CNTN6: variants seen among roughly 807,000 people sequenced by gnomAD.
CNTN6 encodes contactin 6.
CNTN6 carries 137 observed loss-of-function variants against 122.8 expected under a neutral mutation model. The observed-to-expected ratio is 1.12, with a 90% CI of 0.97 to 1.29. CNTN6 has a LOEUF of 1.29. CNTN6 is among the 50% of genes most tolerant of loss of function. CNTN6 has a pLI of 0.00. For synonymous variants in CNTN6, 570 were observed against 426.0 expected (o/e 1.34, Z -4.16); for missense variants, 1,634 against 1,223.4 (o/e 1.34, Z -5.01).
At chr3:1,188,546 C>G (rs1415418612) in intron 2 of CNTN6, among the ~76,000 whole-genome samples, 1 of 152,054 alleles carries the variant, frequency 6.6e-6, no homozygotes, top group Non-Finnish European at 1.5e-5. Context: ...TCTGTGGTCT[C>G]CATGGACTGG....
intron 1 of CNTN6, among the ~76,000 whole-genome samples, chr3:1,100,079 T>A (rs186185209): frequency 2.8e-4 from 42 of 152,250 alleles, no homozygotes; most frequent in Middle Eastern, 3.4e-3. Context: ...TTTGTCAAGG[T>A]TTTTTTAGAC....
intron 1 of CNTN6, among the ~76,000 whole-genome samples, chr3:1,099,961 G>C (rs1490401973): frequency 1.3e-5 from 2 of 152,122 alleles, no homozygotes; most frequent in African/African-American, 4.8e-5. Flanking sequence ...TAAAGATAGT[G>C]TATATATCTT....
At chr3:1,136,829 TATC>T (rs2092487034) in intron 1 of CNTN6, among the ~76,000 whole-genome samples, 1 of 152,138 alleles carries the variant, frequency 6.6e-6, no homozygotes, top group Non-Finnish European at 1.5e-5. Flanking sequence ...TTCTGCCACT[TATC>T]ATCTGTGTGC....
chr3:1,119,035 C>G (rs559414166), intron 1 of CNTN6, among the ~76,000 whole-genome samples: 38 of 152,206 alleles, frequency 2.5e-4, no homozygotes, highest in African/African-American at 8.9e-4. Flanking sequence ...TCCCATCTTT[C>G]TAACTACTTA....
chr3:1,268,168 G>A (rs1487498341), intron 4 of CNTN6, among the ~76,000 whole-genome samples: 1 of 152,190 alleles, frequency 6.6e-6, no homozygotes, highest in Non-Finnish European at 1.5e-5. Flanking sequence ...GAGAAGCAGG[G>A]CAGCCTAGGA....
intron 2 of CNTN6, among the ~76,000 whole-genome samples, chr3:1,202,446 G>A (rs371898423): frequency 1.4e-3 from 205 of 150,466 alleles, no homozygotes; most frequent in East Asian, 2.1e-3. Context: ...AGGCTGAGGC[G>A]GGAGAATGGC....
intron 10 of CNTN6, among the ~76,000 whole-genome samples, chr3:1,329,091 ATGTGTATATACGTATATATGTATATG>A (rs1183586082): frequency 6.6e-6 from 1 of 151,380 alleles, no homozygotes; most frequent in African/African-American, 2.4e-5. Context: ...ATATGTATAT[ATGTGTATATACGTATATATGTATATG>A]TGTGTGTGTT....
At chr3:1,380,899 C>A (rs891170110) in intron 17 of CNTN6, among the ~76,000 whole-genome samples, 3 of 152,160 alleles carry the variant, frequency 2.0e-5, no homozygotes, top group Admixed American at 2.0e-4. Flanking sequence ...AGGAGAATTT[C>A]ACAATTTCTT....
intron 1 of CNTN6, among the ~76,000 whole-genome samples, chr3:1,115,491 T>G (rs1351082568): frequency 2.0e-5 from 3 of 152,190 alleles, no homozygotes; most frequent in East Asian, 3.9e-4. Context: ...GGCTCATGCC[T>G]GTAATCCCAG....
intron 4 of CNTN6, among the ~76,000 whole-genome samples, chr3:1,261,083 G>T (rs1203257010): frequency 6.6e-6 from 1 of 152,136 alleles, no homozygotes; most frequent in Non-Finnish European, 1.5e-5. Flanking sequence ...GCCACCAGTG[G>T]AAACTAACCA....
intron 14 of CNTN6, among the ~76,000 whole-genome samples, chr3:1,373,303 C>T (rs1485479106): frequency 1.3e-5 from 2 of 152,150 alleles, no homozygotes; most frequent in East Asian, 3.9e-4. Context: ...ATATTAGCTG[C>T]AATTACTTGA....
chr3:1,301,159 C>T (rs911419525), intron 7 of CNTN6, among the ~76,000 whole-genome samples: 3 of 151,218 alleles, frequency 2.0e-5, no homozygotes, highest in Admixed American at 6.6e-5. Context: ...GCCTCAGCCT[C>T]CAGAGTAGCT....
In CNTN6 at chr3:1,176,795, G is replaced by A. The variant is rs767398202; in HGVS notation, c.55+28732G>A. On this transcript the variant is annotated intron_variant, in intron 2 of 22. Coordinates refer to ENST00000446702, the MANE Select transcript of CNTN6 (RefSeq NM_001289080.2). ...AATTCATAGATAGATGTTTAGCTGT[G>A]AAGGGTTTTAAAATGTTTATGCTAA... is the stretch of plus-strand genomic sequence containing the variant. Among the ~76,000 whole-genome samples, 32 of 152,126 alleles carry A rather than the reference G, an allele frequency of 2.1e-4. 1 individual carries two copies. The highest frequency in any genetic ancestry group is 3.2e-4 in the Non-Finnish European group (22 of 68,018).
At position 1,148,596 on chromosome 3, in the gene CNTN6, A is replaced by G. The variant is rs140335657; in HGVS notation, c.55+533A>G. Among the ~76,000 whole-genome samples, 3 of 152,322 alleles carry G rather than the reference A, an allele frequency of 2.0e-5. No individual in the cohort carries two copies. The East Asian group carries it at 5.8e-4, about 29-fold the overall frequency. ...TTTTCTTTTTAATTATTTTAAAAGA[A>G]TAGACAAGAACATGTTCTTTTATTC... is the stretch of plus-strand genomic sequence containing the variant. On this transcript the variant is annotated intron_variant, in intron 2 of 22. Transcript: ENST00000446702.
intron 11 of CNTN6, among the ~76,000 whole-genome samples, chr3:1,344,845 G>C (rs1488765205): frequency 6.6e-6 from 1 of 152,110 alleles, no homozygotes; most frequent in Non-Finnish European, 1.5e-5. Context: ...ACAATTGTCT[G>C]TGCCTGTGCT....
intron 5 of CNTN6, among the ~76,000 whole-genome samples, chr3:1,286,056 C>T (rs1326493323): frequency 6.6e-6 from 1 of 152,194 alleles, no homozygotes; most frequent in African/African-American, 2.4e-5. Context: ...CTTAGAAAGA[C>T]TATTTTCCTT....
At position 1,136,216 on chromosome 3, in the gene CNTN6, T is replaced by A. The variant is rs141340992; in HGVS notation, c.-82-11711T>A. Among the ~76,000 whole-genome samples, 1,312 of 152,296 alleles carry A rather than the reference T, an allele frequency of 8.6e-3. 18 individuals are homozygous for A. Among genetic ancestry groups the A allele is most frequent in the African/African-American group, 0.029 (1,222 of 41,558 alleles). The stretch of plus-strand genomic sequence containing the variant: ...GGAGCAGTCTGTGTGGTAGGTAGTA[T>A]GGTCACAAGATTTACAGTGGGCAAC... On this transcript the variant is annotated intron_variant, in intron 1 of 22. Transcript: ENST00000446702.
At chr3:1,143,031 T>C (rs2092649082) in intron 1 of CNTN6, among the ~76,000 whole-genome samples, 1 of 121,502 alleles carries the variant, frequency 8.2e-6, no homozygotes, top group Admixed American at 8.9e-5. Flanking sequence ...AATACACTTA[T>C]CATCAACCAA....
intron 7 of CNTN6, among the ~76,000 whole-genome samples, chr3:1,306,666 C>T (rs564905800): frequency 2.9e-4 from 44 of 152,186 alleles, no homozygotes; most frequent in African/African-American, 9.6e-4. Flanking sequence ...TAAATAGATA[C>T]AGCAGAATGT....
Sources: allele counts gnomAD v4.1 joint callset (sites outside exome capture counted in the v4.1 genomes callset), GRCh38; gene constraint gnomAD v4.1.1; transcripts MANE v1.5; gene names NCBI Gene and HGNC (gene_info 2026-07-23, HGNC 2026-07-21).